The following IPO11 variants were observed in gnomAD, a reference collection of about 807,000 sequenced individuals.
IPO11 encodes the protein importin 11.
IPO11 carries 66 observed loss-of-function variants against 143.2 expected under a neutral mutation model. The ratio of observed to expected loss-of-function variants is 0.46; its 90% CI spans 0.38 to 0.57. The LOEUF (loss-of-function observed/expected upper bound fraction) is 0.57, where lower values mean the gene tolerates loss of function less well. IPO11 is among the 20% of genes least tolerant of loss of function. IPO11 has a pLI of 0.00. For missense variants in IPO11, 1,026 were observed against 1,141.0 expected (o/e 0.90, Z 1.45); for synonymous variants, 385 against 377.8 (o/e 1.02, Z -0.22).
intron 27 of IPO11, among the ~76,000 whole-genome samples, chr5:62,563,514 G>A (rs1170674699): frequency 1.3e-5 from 2 of 152,152 alleles, no homozygotes; most frequent in African/African-American, 4.8e-5. Flanking sequence ...TTTTTGACAT[G>A]TAAGTTGTGG....
chr5:62,568,635 ATTGAT>A (rs1744038093), intron 27 of IPO11, among the ~76,000 whole-genome samples: 2 of 150,590 alleles, frequency 1.3e-5, no homozygotes, highest in South Asian at 4.2e-4. Context: ...AAGTTCCTGA[ATTGAT>A]TTTCTGTGTT....
intron 20 of IPO11, among the ~76,000 whole-genome samples, chr5:62,517,712 T>C (rs1742074101): frequency 6.6e-6 from 1 of 152,200 alleles, no homozygotes; most frequent in Non-Finnish European, 1.5e-5. Flanking sequence ...CTCCAAGATG[T>C]ACTTTTAAGC....
intron 28 of IPO11, among the ~76,000 whole-genome samples, chr5:62,596,600 T>C (rs1247303457): frequency 6.6e-6 from 1 of 152,194 alleles, no homozygotes; most frequent in African/African-American, 2.4e-5. Context: ...AAGGACTTTT[T>C]TCTCCTTCAC....
At chr5:62,430,243 A>C (rs758255379) in intron 1 of IPO11, among the ~76,000 whole-genome samples, 1 of 152,228 alleles carries the variant, frequency 6.6e-6, no homozygotes, top group Non-Finnish European at 1.5e-5. Context: ...TTAACATTTT[A>C]AGGAACTGCC....
rs1040949768 is a variant in IPO11 at position 62,595,979 on chromosome 5, C to A, written c.2678+4307C>A. On this transcript the variant is annotated intron_variant, in intron 28 of 29. Coordinates refer to ENST00000325324, the MANE Select transcript of IPO11 (RefSeq NM_016338.5). ...TAAAAAGGAAGAAAGAATTTAGTGG[C>A]CCGGCGCGGTGGCTCATGCCTGTAA... 7.2e-5 allele frequency among the ~76,000 whole-genome samples: 11 copies of A among 151,844 alleles called. No homozygotes were observed. The East Asian group carries it at 2.1e-3, about 29-fold the overall frequency.
intron 29 of IPO11, among the ~76,000 whole-genome samples, chr5:62,603,005 T>C (rs1283205677): frequency 6.6e-6 from 1 of 152,184 alleles, no homozygotes; most frequent in African/African-American, 2.4e-5. Flanking sequence ...CCCAAAACAA[T>C]GTTTGTACAT....
intron 20 of IPO11, among the ~76,000 whole-genome samples, chr5:62,518,938 G>C (rs1742119119): frequency 6.6e-6 from 1 of 152,194 alleles, no homozygotes; most frequent in African/African-American, 2.4e-5. Flanking sequence ...TTGTGTAGGT[G>C]ACTGTCTAGG....
intron 24 of IPO11, among the ~76,000 whole-genome samples, chr5:62,544,806 A>T (rs1743098218): frequency 6.6e-6 from 1 of 151,992 alleles, no homozygotes; most frequent in South Asian, 2.1e-4. Context: ...ATACACCAAT[A>T]ACAGACAGAG....
chr5:62,568,291 C>G (rs1381367119), intron 27 of IPO11, among the ~76,000 whole-genome samples: 1 of 151,766 alleles, frequency 6.6e-6, no homozygotes, highest in East Asian at 1.9e-4. Context: ...ATTCTGTCTT[C>G]TACGTTACTC....
chr5:62,445,078 T>C (rs899707492), intron 3 of IPO11, among the ~76,000 whole-genome samples: 1 of 152,082 alleles, frequency 6.6e-6, no homozygotes, highest in African/African-American at 2.4e-5. Context: ...CCAAGCTGTC[T>C]CTTTTAGTAT....
chr5:62,458,371 G>A (rs991904882), intron 5 of IPO11, among the ~76,000 whole-genome samples: 4 of 151,518 alleles, frequency 2.6e-5, no homozygotes, highest in Non-Finnish European at 5.9e-5. Flanking sequence ...TGCAATCTCA[G>A]CTCACTGCAA....
chr5:62,497,206 C>CT (rs1165228561), intron 16 of IPO11, among the ~76,000 whole-genome samples: 3 of 151,654 alleles, frequency 2.0e-5, no homozygotes, highest in Non-Finnish European at 2.9e-5. Context: ...ATTTTTTTTT[C>CT]TTTTTTTGGC....
chr5:62,425,923 TAAG>T (rs1440404124), intron 1 of IPO11, among the ~76,000 whole-genome samples: 1 of 152,208 alleles, frequency 6.6e-6, no homozygotes, highest in Non-Finnish European at 1.5e-5. Context: ...CACCAAATAG[TAAG>T]AACATTAAGT....
chr5:62,503,307 T>C (rs1741409514), intron 16 of IPO11, among the ~76,000 whole-genome samples: 1 of 146,728 alleles, frequency 6.8e-6, no homozygotes, highest in African/African-American at 2.5e-5. Context: ...TATCAGTATC[T>C]ATTAATATAT....
intron 19 of IPO11, among the ~76,000 whole-genome samples, chr5:62,506,854 A>G (rs1741572133): frequency 6.6e-6 from 1 of 152,220 alleles, no homozygotes; most frequent in Admixed American, 6.5e-5. Context: ...CCGGAAAACC[A>G]CACTGTAATT....
At chr5:62,537,658 A>G (rs182949471) in intron 24 of IPO11, among the ~76,000 whole-genome samples, 1 of 152,276 alleles carries the variant, frequency 6.6e-6, no homozygotes, top group Non-Finnish European at 1.5e-5. Flanking sequence ...TCATTTTGTT[A>G]GTCTGCTGTT....
intron 26 of IPO11, among the ~76,000 whole-genome samples, chr5:62,554,329 T>C (rs561164323): frequency 4.6e-5 from 7 of 152,280 alleles, no homozygotes; most frequent in Admixed American, 2.0e-4. Flanking sequence ...GTTTTTGAGG[T>C]TTTATTAGTA....
chr5:62,473,683 A>T (rs1341362159), intron 7 of IPO11, among the ~76,000 whole-genome samples: 1 of 152,108 alleles, frequency 6.6e-6, no homozygotes, highest in Non-Finnish European at 1.5e-5. Flanking sequence ...ATCTTTTATG[A>T]TGTTTATACA....
Position 62,617,068 on chromosome 5 carries a change from G to A in IPO11, c.2764-10086G>A, listed in dbSNP as rs1489210709. ...ACCTTGTTGAGCATTTTTATCAAGA[G>A]ACTTGAGATTCTCATAAGATTTGCT... On this transcript the variant is annotated intron_variant, in intron 29 of 29. Transcript: ENST00000325324. Among the ~76,000 whole-genome samples the A allele has an allele frequency of 2.0e-5, 3 of 152,126 alleles. 1 individual carries two copies. The highest frequency in any genetic ancestry group is 4.4e-5 in the Non-Finnish European group (3 of 68,030).
Sources: allele counts gnomAD v4.1 joint callset (sites outside exome capture counted in the v4.1 genomes callset), GRCh38; gene constraint gnomAD v4.1.1; transcripts MANE v1.5; gene names NCBI Gene and HGNC (gene_info 2026-07-23, HGNC 2026-07-21).